C11orf87: variants seen among roughly 807,000 people sequenced by gnomAD.
C11orf87 encodes chromosome 11 open reading frame 87, also known as uncharacterized protein C11orf87.
In C11orf87, 3 loss-of-function variants were observed where a neutral mutation model predicts 9.2. That is an observed-to-expected ratio of 0.33 (90% confidence interval 0.15 to 0.84). C11orf87 has a LOEUF of 0.84. Ranked by LOEUF, C11orf87 falls within the 40% of genes least tolerant of loss-of-function variation. C11orf87 has a pLI of 0.55. For missense variants in C11orf87, 256 were observed against 270.7 expected, an observed-to-expected ratio of 0.95 and a Z score of 0.38; for synonymous variants, 124 against 124.6, an observed-to-expected ratio of 1.00 and a Z score of 0.03.
At chr11:109,422,820 G>A (rs993226663) in intron 1 of C11orf87, among the ~76,000 whole-genome samples, 5 of 148,394 alleles carry the variant, frequency 3.4e-5, no homozygotes, top group African/African-American at 1.2e-4. Flanking sequence ...AGCCGCGGTC[G>A]CGGACAGAGG....
Position 109,424,300 on chromosome 11 carries a change from CCTTT to C in C11orf87, c.*74_*77del. 2.4e-6 allele frequency: 3 copies of C among 1,262,300 alleles called. No homozygotes were observed. Among genetic ancestry groups the C allele is most frequent in the Non-Finnish European group, 2.2e-6 (2 of 895,102 alleles). The allele number at this position is 1,262,300 out of a possible 1,614,324, so 78.2% of individuals were successfully genotyped here. ...ACCCTTGCTTTTTTCCTTCTTCCTT[CCTTT>C]TCCATTTTCCTCTGGCCCCTCTTTC... On this transcript the variant is annotated 3_prime_UTR_variant, in exon 2 of 2. Transcript: ENST00000327419. This position sits in a 1 kb window ranked among gnomAD's most constrained non-coding sequence, Gnocchi z 4.7.
Position 109,423,990 on chromosome 11 carries a change from C to T in C11orf87, c.357C>T (p.Gly119=). Residue 119 remains glycine (G), a synonymous_variant, in exon 2 of 2, where the codon GGC becomes GGT. Transcript: ENST00000327419. This position sits in a 1 kb window ranked among gnomAD's most constrained non-coding sequence, Gnocchi z 5.3. ...GTGGCGGGGGGCTGCCCCGACCTGG[C>T]AGGCAGGCCCCAACCCACGCAAAGG... is the stretch of plus-strand genomic sequence containing the variant. ...SRGGGGLPRP[G]RQAPTHAKET... 1 of 1,613,850 alleles carries T rather than the reference C, an allele frequency of 6.2e-7. No homozygotes were observed. The highest frequency in any genetic ancestry group is 8.5e-7 in the Non-Finnish European group (1 of 1,179,880).
rs1441884558 is a variant in C11orf87, at chr11:109,426,097, T to C, written c.*1870T>C. The C allele has an allele frequency of 6.6e-6, 1 of 152,226 alleles. No homozygotes were observed. The highest frequency in any genetic ancestry group is 1.5e-5 in the Non-Finnish European group (1 of 68,046). The allele number at this position is 152,226 out of a possible 1,614,324, so 9.4% of individuals were successfully genotyped here. A position where few individuals can be genotyped will look rare whatever the true frequency, so the allele number is the denominator to read the frequency against. ...TTATTTACCACCTTGTTTCCTTTGG[T>C]TGAATGACAGAAGAAGCCAGAAGCA... On this transcript the variant is annotated 3_prime_UTR_variant, in exon 2 of 2. Transcript: ENST00000327419.
In C11orf87 at chr11:109,424,076, C is replaced by A; in HGVS notation, c.443C>A (p.Ser148Ter). The A allele has an allele frequency of 6.2e-7, 1 of 1,613,962 alleles. No individual in the cohort carries two copies. Among genetic ancestry groups the A allele is most frequent in the Non-Finnish European group, 8.5e-7 (1 of 1,180,026 alleles). Residue 148 changes from serine to a stop codon, truncating the protein, a stop_gained, in exon 2 of 2, where the codon TCG becomes TAG. Coordinates refer to ENST00000327419, the MANE Select transcript of C11orf87 (RefSeq NM_207645.4). LOFTEE classifies it high-confidence loss of function. This position sits in a 1 kb window ranked among gnomAD's most constrained non-coding sequence, Gnocchi z 4.7. Reference protein sequence around the residue: ...SPFCAPSNASSLSSSSPGLPC... With the variant: ...SPFCAPSNAS ...TTCTGCGCCCCTTCCAACGCCTCGT[C>A]GTTGTCCTCTTCGTCCCCTGGCCTC...
In C11orf87 at chr11:109,424,362, A is replaced by G. The variant is rs1302032126; in HGVS notation, c.*135A>G. ...TGGTTTCCTTACCTGCCCTCCCCTT[A>G]CTCTTGTTTCTCCTCCGCCGAGGCA... On this transcript the variant is annotated 3_prime_UTR_variant, in exon 2 of 2. Coordinates refer to ENST00000327419, the MANE Select transcript of C11orf87 (RefSeq NM_207645.4). This position sits in a 1 kb window ranked among gnomAD's most constrained non-coding sequence, Gnocchi z 4.7. 5.9e-6 allele frequency: 4 copies of G among 677,798 alleles called. No individual in the cohort carries two copies. The highest frequency in any genetic ancestry group is 1.0e-5 in the Non-Finnish European group (4 of 396,024). The allele number at this position is 677,798 out of a possible 1,614,324, so 42.0% of individuals were successfully genotyped here.
At position 109,428,692 on chromosome 11, in the gene C11orf87, A is replaced by G. The variant is rs1341963407; in HGVS notation, c.*4465A>G. The G allele has an allele frequency of 6.6e-6, 1 of 152,166 alleles. No homozygotes were observed. Among genetic ancestry groups the G allele is most frequent in the Non-Finnish European group, 1.5e-5 (1 of 67,994 alleles). 9.4% of individuals were successfully genotyped at this position (152,166 alleles called of 1,614,324 possible). A position where few individuals can be genotyped will look rare whatever the true frequency, so the allele number is the denominator to read the frequency against. The stretch of plus-strand genomic sequence containing the variant: ...CATATTAGAATAAATTGCCCAATCT[A>G]TAAGAGAGTGTTTAATCATTGGAAT... On this transcript the variant is annotated 3_prime_UTR_variant, in exon 2 of 2. Coordinates refer to ENST00000327419, the MANE Select transcript of C11orf87 (RefSeq NM_207645.4).
Position 109,424,417 on chromosome 11 carries a change from G to A in C11orf87, c.*190G>A. On this transcript the variant is annotated 3_prime_UTR_variant, in exon 2 of 2. Coordinates refer to ENST00000327419, the MANE Select transcript of C11orf87 (RefSeq NM_207645.4). The surrounding 1 kb of genome is among the most constrained non-coding windows in gnomAD (Gnocchi z 4.7). ...GCGGTATTTGTAAATATTGGGCGAG[G>A]AAAGTCTCGGAAGAAGAAATAACGC... The A allele has an allele frequency of 1.9e-6, 1 of 533,900 alleles. No homozygotes were observed. The highest frequency in any genetic ancestry group is 3.4e-6 in the Non-Finnish European group (1 of 297,592). The allele number at this position is 533,900 out of a possible 1,614,324, so 33.1% of individuals were successfully genotyped here.
In C11orf87 at chr11:109,423,806, T is replaced by A. The variant is rs143570200; in HGVS notation, c.173T>A (p.Phe58Tyr). 1 of 1,614,064 alleles carries A rather than the reference T, an allele frequency of 6.2e-7. No homozygotes were observed. Among genetic ancestry groups the A allele is most frequent in the Non-Finnish European group, 8.5e-7 (1 of 1,179,952 alleles). The stretch of plus-strand genomic sequence containing the variant: ...GTGGGACAGCAGCTCTTCCAGTCCT[T>A]CTCCTCCACGCTGGTGCTGATTGTC... ...TQVGQQLFQS[F>Y]SSTLVLIVLV... The change falls in exon 2 of 2, where the codon TTC becomes TAC. Residue 58 changes from phenylalanine to tyrosine, a missense_variant. Physicochemically the swap from Phe to Tyr is conservative, Grantham distance 22. Transcript: ENST00000327419. This position sits in a 1 kb window ranked among gnomAD's most constrained non-coding sequence, Gnocchi z 5.3.
Position 109,426,702 on chromosome 11 carries a change from A to T in C11orf87, c.*2475A>T, listed in dbSNP as rs1279116580. The T allele has an allele frequency of 2.6e-5, 4 of 152,218 alleles. No individual in the cohort carries two copies. Among genetic ancestry groups the T allele is most frequent in the Non-Finnish European group, 5.9e-5 (4 of 68,032 alleles). 9.4% of individuals were successfully genotyped at this position (152,218 alleles called of 1,614,324 possible). ...TCAGAATGACTAAGGCACTGTGAAG[A>T]AGAAAGTCCATTGATTTTTGTAGCT... On this transcript the variant is annotated 3_prime_UTR_variant, in exon 2 of 2. Coordinates refer to ENST00000327419, the MANE Select transcript of C11orf87 (RefSeq NM_207645.4).
At chr11:109,422,649 T>C (rs925954076) in intron 1 of C11orf87, among the ~76,000 whole-genome samples, 2 of 150,614 alleles carry the variant, frequency 1.3e-5, no homozygotes, top group Admixed American at 6.6e-5. Context: ...TACTGCCAAG[T>C]TGGGGGCACA....
intron 1 of C11orf87, among the ~76,000 whole-genome samples, chr11:109,422,756 G>A: frequency 7.0e-6 from 1 of 142,854 alleles, no homozygotes; most frequent in Non-Finnish European, 1.5e-5. Context: ...TTTGGAGAGG[G>A]GAGAATACCA....
chr11:109,423,740 G>A lies in C11orf87; in HGVS notation c.107G>A (p.Arg36His). ...NASGSGNTGA[R>H]GPGAVGSGTC... is the part of the protein sequence containing the mutation. Reference sequence around the variant, plus strand: ...AGCGGCAGCGGCAACACGGGTGCCCGCGGCCCAGGCGCAGTAGGCAGCGGC... The same window carrying A: ...AGCGGCAGCGGCAACACGGGTGCCCACGGCCCAGGCGCAGTAGGCAGCGGC... Residue 36 changes from arginine (R) to histidine (H), a missense_variant, in exon 2 of 2, where the codon CGC (arginine) becomes CAC (histidine). Physicochemically the swap from Arg to His is conservative, Grantham distance 29. Transcript: ENST00000327419. The surrounding 1 kb of genome is among the most constrained non-coding windows in gnomAD (Gnocchi z 5.3). 3 of 1,613,782 alleles carry A rather than the reference G, an allele frequency of 1.9e-6. No homozygotes were observed. The highest frequency in any genetic ancestry group is 2.5e-6 in the Non-Finnish European group (3 of 1,179,864).
At position 109,423,511 on chromosome 11, in the gene C11orf87, C is replaced by A; in HGVS notation, c.-123C>A. On this transcript the variant is annotated 5_prime_UTR_variant, in exon 2 of 2. Transcript: ENST00000327419. This position sits in a 1 kb window ranked among gnomAD's most constrained non-coding sequence, Gnocchi z 5.3. ...TCCCTTAGTCCTTGGCTCGCTCGCA[C>A]ACCCCCTCCCGCTACAGGGAGCAGT... 9.7e-7 allele frequency: 1 copy of A among 1,029,122 alleles called. No homozygotes were observed. The highest frequency in any genetic ancestry group is 1.7e-5 in the South Asian group (1 of 60,332). The allele number at this position is 1,029,122 out of a possible 1,614,324, so 63.7% of individuals were successfully genotyped here. A position where few individuals can be genotyped will look rare whatever the true frequency, so the allele number is the denominator to read the frequency against.
In C11orf87 at chr11:109,427,837, G is replaced by T. The variant is rs114873862; in HGVS notation, c.*3610G>T. The T allele has an allele frequency of 9.2e-5, 14 of 152,010 alleles. No individual in the cohort carries two copies. Among genetic ancestry groups the T allele is most frequent in the Non-Finnish European group, 2.1e-4 (14 of 67,958 alleles). The allele number at this position is 152,010 out of a possible 1,614,324, so 9.4% of individuals were successfully genotyped here. A position where few individuals can be genotyped will look rare whatever the true frequency, so the allele number is the denominator to read the frequency against. ...TAGATATGTATTTATATATGCATAC[G>T]TTTTGTATAAATTTACAATTGACTT... is the stretch of plus-strand genomic sequence containing the variant. On this transcript the variant is annotated 3_prime_UTR_variant, in exon 2 of 2. Coordinates refer to ENST00000327419, the MANE Select transcript of C11orf87 (RefSeq NM_207645.4).
Position 109,424,320 on chromosome 11 carries a change from C to A in C11orf87, c.*93C>A. The A allele has an allele frequency of 2.0e-6, 2 of 1,013,214 alleles. No homozygotes were observed. The highest frequency in any genetic ancestry group is 1.5e-5 in the South Asian group (1 of 66,114). 62.8% of individuals were successfully genotyped at this position (1,013,214 alleles called of 1,614,324 possible). On this transcript the variant is annotated 3_prime_UTR_variant, in exon 2 of 2. Coordinates refer to ENST00000327419, the MANE Select transcript of C11orf87 (RefSeq NM_207645.4). The surrounding 1 kb of genome is among the most constrained non-coding windows in gnomAD (Gnocchi z 4.7). ...TCCTTCCTTTTCCATTTTCCTCTGG[C>A]CCCTCTTTCCTCTTCCTGGTTTCCT...
chr11:109,423,174 G>A lies in C11orf87; in HGVS notation c.-259-201G>A, dbSNP rs1860517317. The stretch of plus-strand genomic sequence containing the variant: ...GCGGTGCCGGCGCAGACCCCATCCT[G>A]TCGAGTGGCATGAGCAGGCTGCTGG... On this transcript the variant is annotated intron_variant, in intron 1 of 1. Coordinates refer to ENST00000327419, the MANE Select transcript of C11orf87 (RefSeq NM_207645.4). The surrounding 1 kb of genome is among the most constrained non-coding windows in gnomAD (Gnocchi z 5.3). Among the ~76,000 whole-genome samples the A allele has an allele frequency of 6.6e-6, 1 of 152,212 alleles. No homozygotes were observed. The highest frequency in any genetic ancestry group is 6.5e-5 in the Admixed American group (1 of 15,286).
rs1860555762 is a variant in C11orf87, at chr11:109,425,234, C to T, written c.*1007C>T. The T allele has an allele frequency of 6.0e-6, 1 of 166,496 alleles. No individual in the cohort carries two copies. The highest frequency in any genetic ancestry group is 1.5e-5 in the Non-Finnish European group (1 of 68,088). 10.3% of individuals were successfully genotyped at this position (166,496 alleles called of 1,614,324 possible). A position where few individuals can be genotyped will look rare whatever the true frequency, so the allele number is the denominator to read the frequency against. The stretch of plus-strand genomic sequence containing the variant: ...TCTTCTTTTTCTACAATCGAGTTAG[C>T]GTGTACTATTGGTTTTCTTATTATT... On this transcript the variant is annotated 3_prime_UTR_variant, in exon 2 of 2. Transcript: ENST00000327419.
In C11orf87 at chr11:109,428,024, T is replaced by A. The variant is rs2134833020; in HGVS notation, c.*3797T>A. 1 of 151,942 alleles carries A rather than the reference T, an allele frequency of 6.6e-6. No homozygotes were observed. The highest frequency in any genetic ancestry group is 1.9e-4 in the East Asian group (1 of 5,166). The allele number at this position is 151,942 out of a possible 1,614,324, so 9.4% of individuals were successfully genotyped here. ...TCTCTTTAATAATGAAAGGGGAGAG[T>A]CCTGGTTAGCTTGGAAAATTGGTAA... is the stretch of plus-strand genomic sequence containing the variant. On this transcript the variant is annotated 3_prime_UTR_variant, in exon 2 of 2. Coordinates refer to ENST00000327419, the MANE Select transcript of C11orf87 (RefSeq NM_207645.4).
rs1419807646 is a variant in C11orf87 at position 109,428,246 on chromosome 11, A to G, written c.*4019A>G. 6.6e-6 allele frequency: 1 copy of G among 152,146 alleles called. No individual in the cohort carries two copies. Among genetic ancestry groups the G allele is most frequent in the African/African-American group, 2.4e-5 (1 of 41,452 alleles). 9.4% of individuals were successfully genotyped at this position (152,146 alleles called of 1,614,324 possible). On this transcript the variant is annotated 3_prime_UTR_variant, in exon 2 of 2. Coordinates refer to ENST00000327419, the MANE Select transcript of C11orf87 (RefSeq NM_207645.4). ...TTTTCAACCTATATGTTGTGTAGAA[A>G]TACAATTTATATCTGCATAGCTAAA...
Sources: gnomAD v4.1 joint callset for allele counts (sites outside exome capture counted in the v4.1 genomes callset) on GRCh38, gnomAD v4.1.1 for gene constraint, Gnocchi (gnomAD v3.1) non-coding constraint, MANE v1.5 for transcripts, NCBI Gene and HGNC (gene_info 2026-07-23, HGNC 2026-07-21) for gene names.